Variants in GNG7 observed in about 807,000 individuals in gnomAD.
GNG7 encodes the protein guanine nucleotide-binding protein G(I)/G(S)/G(O) subunit gamma-7.
Under a neutral mutation model 4.0 loss-of-function variants are expected in GNG7, and 1 was observed. The ratio of observed to expected loss-of-function variants is 0.25; its 90% CI spans 0.09 to 1.18. The LOEUF is 1.18. GNG7 is among the 50% of genes most tolerant of loss of function. GNG7 has a pLI of 0.50. For missense variants in GNG7, 86 were observed against 91.9 expected (o/e 0.94, Z 0.26); for synonymous variants, 34 against 36.9 (o/e 0.92, Z 0.29).
chr19:2,682,751 A>G (rs8111268), intron 1 of GNG7, among the ~76,000 whole-genome samples: 44,598 of 149,932 alleles, frequency 0.3, 7,650 homozygotes, highest in East Asian at 0.61. Flanking sequence ...CTCCCACTCC[A>G]CGCCATGAGC....
intron 2 of GNG7, among the ~76,000 whole-genome samples, chr19:2,586,019 A>G (rs575110541): frequency 1.3e-5 from 2 of 152,342 alleles, no homozygotes; most frequent in South Asian, 4.1e-4. Flanking sequence ...TTGATTTTTC[A>G]GTATCCCTTT....
intron 1 of GNG7, among the ~76,000 whole-genome samples, chr19:2,667,258 G>C (rs1232868146): frequency 6.6e-6 from 1 of 151,990 alleles, no homozygotes; most frequent in African/African-American, 2.4e-5. Context: ...GGAGGCGGAG[G>C]TTGCAGTGAG....
intron 3 of GNG7, among the ~76,000 whole-genome samples, chr19:2,542,768 G>A (rs1310215787): frequency 6.6e-6 from 1 of 152,060 alleles, no homozygotes; most frequent in Non-Finnish European, 1.5e-5. Flanking sequence ...CCCCCGGTGA[G>A]CAGGCATGGG....
intron 1 of GNG7, among the ~76,000 whole-genome samples, chr19:2,668,455 G>A (rs954162376): frequency 1.3e-5 from 2 of 152,128 alleles, no homozygotes; most frequent in African/African-American, 2.4e-5. Context: ...GTGGCTGGGC[G>A]GTTGGTCTTG....
At chr19:2,598,348 A>C (rs995294734) in intron 2 of GNG7, among the ~76,000 whole-genome samples, 24 of 152,216 alleles carry the variant, frequency 1.6e-4, no homozygotes, top group Admixed American at 1.5e-3. Flanking sequence ...ACATGGTGAA[A>C]CCACATCTCT....
intron 2 of GNG7, among the ~76,000 whole-genome samples, chr19:2,577,660 C>G (rs1317107685): frequency 6.9e-6 from 1 of 144,620 alleles, no homozygotes; most frequent in African/African-American, 2.6e-5. Flanking sequence ...GAGATCACGC[C>G]ACTGCACTCC....
At chr19:2,597,142 G>C (rs762345760) in intron 2 of GNG7, among the ~76,000 whole-genome samples, 3 of 151,910 alleles carry the variant, frequency 2.0e-5, no homozygotes, top group Non-Finnish European at 2.9e-5. Flanking sequence ...GTGTGCACCT[G>C]TTATCCCAGC....
chr19:2,599,647 G>A (rs1018079703), intron 2 of GNG7, among the ~76,000 whole-genome samples: 2 of 152,258 alleles, frequency 1.3e-5, no homozygotes, highest in Non-Finnish European at 2.9e-5. Context: ...CATGAAAACC[G>A]GGGGTTAGGC....
chr19:2,595,823 T>G (rs1469188702), intron 2 of GNG7, among the ~76,000 whole-genome samples: 1 of 151,848 alleles, frequency 6.6e-6, no homozygotes, highest in East Asian at 1.9e-4. Flanking sequence ...GCTGTACGTA[T>G]CTATGTGAGT....
chr19:2,672,823 T>C (rs1983489371), intron 1 of GNG7, among the ~76,000 whole-genome samples: 1 of 152,196 alleles, frequency 6.6e-6, no homozygotes, highest in Non-Finnish European at 1.5e-5. Context: ...AGGTGACCAA[T>C]GTCAACACCA....
chr19:2,543,796 G>A (rs920656583), intron 3 of GNG7, among the ~76,000 whole-genome samples: 4 of 152,212 alleles, frequency 2.6e-5, no homozygotes, highest in Admixed American at 2.6e-4. Context: ...AGCCAGCCTT[G>A]TGTGGCGCGG....
chr19:2,642,451 G>A (rs758296530), intron 2 of GNG7: 6 of 324,094 alleles, frequency 1.9e-5, no homozygotes, highest in Non-Finnish European at 3.6e-5. Context: ...CTGCAGCCTC[G>A]ACCTCCGGGG....
At chr19:2,701,579 C>G (rs1442424188) in intron 1 of GNG7, among the ~76,000 whole-genome samples, 2 of 151,364 alleles carry the variant, frequency 1.3e-5, no homozygotes, top group Admixed American at 6.6e-5. Context: ...AACCCTAACC[C>G]CTGGGCCGTC....
intron 2 of GNG7, among the ~76,000 whole-genome samples, chr19:2,630,199 C>T (rs559485504): frequency 1.4e-4 from 21 of 152,178 alleles, no homozygotes; most frequent in African/African-American, 4.1e-4. Flanking sequence ...CCTGCTGATT[C>T]GGTCCTGGCT....
At chr19:2,636,513 G>GGAT (rs1416990894) in intron 2 of GNG7, among the ~76,000 whole-genome samples, 1 of 152,128 alleles carries the variant, frequency 6.6e-6, no homozygotes, top group East Asian at 1.9e-4. Flanking sequence ...AGCCCTCCAG[G>GGAT]GATGCTTTAT....
intron 3 of GNG7, among the ~76,000 whole-genome samples, chr19:2,527,783 C>A (rs577598412): frequency 4.0e-5 from 6 of 151,872 alleles, no homozygotes; most frequent in East Asian, 3.9e-4. Flanking sequence ...AACCCCCCCC[C>A]CCACCAGTGC....
At chr19:2,578,772 CGAGACCA>C (rs1568251164) in intron 2 of GNG7, among the ~76,000 whole-genome samples, 1 of 152,358 alleles carries the variant, frequency 6.6e-6, no homozygotes, top group East Asian at 1.9e-4. Flanking sequence ...CCCAACACCC[CGAGACCA>C]AGAATCATCA....
At chr19:2,681,509 T>C (rs1382810666) in intron 1 of GNG7, among the ~76,000 whole-genome samples, 1 of 152,062 alleles carries the variant, frequency 6.6e-6, no homozygotes, top group Non-Finnish European at 1.5e-5. Flanking sequence ...ACTCAAGTGA[T>C]CCTCCCACCT....
intron 1 of GNG7, among the ~76,000 whole-genome samples, chr19:2,683,029 G>A (rs574488604): frequency 6.6e-6 from 1 of 151,976 alleles, no homozygotes; most frequent in African/African-American, 2.4e-5. Context: ...TCAGGAGATC[G>A]AGACCAGCCT....
Sources: gnomAD v4.1 joint callset for allele counts (sites outside exome capture counted in the v4.1 genomes callset) on GRCh38, gnomAD v4.1.1 for gene constraint, MANE v1.5 for transcripts, NCBI Gene and HGNC (gene_info 2026-07-23, HGNC 2026-07-21) for gene names.